ADGB: variants seen among roughly 807,000 people sequenced by gnomAD.
ADGB encodes androglobin.
A neutral mutation model predicts 210.5 loss-of-function variants in ADGB; 172 were observed. The ratio of observed to expected loss-of-function variants is 0.82; its 90% CI spans 0.72 to 0.93. The LOEUF (loss-of-function observed/expected upper bound fraction) is 0.93. ADGB is among the 40% of genes least tolerant of loss of function. The pLI is 0.00. For missense variants in ADGB, 2,025 were observed against 1,964.8 expected (o/e 1.03, Z -0.58); for synonymous variants, 658 against 662.7 (o/e 0.99, Z 0.11).
chr6:146,675,495 G>A lies in ADGB; in HGVS notation c.1088-818G>A, dbSNP rs116334479. ...GTCAAAAAGAAAAAAAAAAGCTAAG[G>A]TATGAAACATGTCTATTTTGGATGT... On this transcript the variant is annotated intron_variant, in intron 8 of 35. Transcript: ENST00000397944. Among the ~76,000 whole-genome samples the A allele has an allele frequency of 1.1e-3, 167 of 151,632 alleles. 1 individual carries two copies. The highest frequency in any genetic ancestry group is 3.9e-3 in the African/African-American group (163 of 41,374).
At position 146,728,752 on chromosome 6, in the gene ADGB, T is replaced by C; in HGVS notation, c.2520+11T>C. ...GCACAGCACTTCAGGGTAAGCTTGTTTGGGATACAATGTTCAGAAGAGGAA... is the reference window on the plus strand; with the variant it reads ...GCACAGCACTTCAGGGTAAGCTTGTCTGGGATACAATGTTCAGAAGAGGAA... On this transcript the variant is annotated intron_variant, in intron 20 of 35. Transcript: ENST00000397944. 1 of 1,526,410 alleles carries C rather than the reference T, an allele frequency of 6.6e-7. No individual in the cohort carries two copies. Among genetic ancestry groups the C allele is most frequent in the Non-Finnish European group, 8.8e-7 (1 of 1,130,062 alleles). 94.6% of individuals were successfully genotyped at this position (1,526,410 alleles called of 1,614,324 possible).
At chr6:146,690,612 G>A (rs1486210140) in intron 10 of ADGB, among the ~76,000 whole-genome samples, 1 of 152,156 alleles carries the variant, frequency 6.6e-6, no homozygotes, top group African/African-American at 2.4e-5. Context: ...TTGTAATCAT[G>A]TGTAATCATG....
chr6:146,637,614 C>T (rs1423543052), intron 2 of ADGB, among the ~76,000 whole-genome samples: 1 of 151,944 alleles, frequency 6.6e-6, no homozygotes, highest in Non-Finnish European at 1.5e-5. Flanking sequence ...TAAGGGCAAA[C>T]CAAAGTTACA....
intron 29 of ADGB, among the ~76,000 whole-genome samples, chr6:146,773,489 G>C (rs1777682538): frequency 6.6e-6 from 1 of 152,084 alleles, no homozygotes; most frequent in South Asian, 2.1e-4. Context: ...ACTCTGGAGA[G>C]ACCTAGAAGT....
At chr6:146,676,587 G>C in intron 9 of ADGB, 146 bp downstream of exon 9, 2 of 747,266 alleles carry the variant, frequency 2.7e-6, no homozygotes, top group Non-Finnish European at 3.8e-6. Flanking sequence ...TTCTCAGATG[G>C]GTGGGCGTGT....
At chr6:146,721,997 C>T (rs1310385614) in intron 17 of ADGB, among the ~76,000 whole-genome samples, 1 of 152,024 alleles carries the variant, frequency 6.6e-6, no homozygotes, top group Non-Finnish European at 1.5e-5. Context: ...ACTGCTGCCA[C>T]CTGCACCTCT....
intron 23 of ADGB, among the ~76,000 whole-genome samples, 162 bp from the exon 24 acceptor site, chr6:146,740,297 C>T (rs1179290786): frequency 6.6e-6 from 1 of 152,172 alleles, no homozygotes; most frequent in Admixed American, 6.5e-5. Flanking sequence ...CTCTTGGCAC[C>T]ATGTATCAGG....
At chr6:146,661,768 G>T (rs541186549) in intron 5 of ADGB, among the ~76,000 whole-genome samples, 2 of 150,366 alleles carry the variant, frequency 1.3e-5, no homozygotes, top group Non-Finnish European at 3.0e-5. Context: ...ATTTTCTTTC[G>T]CAATTCCTTT....
At chr6:146,809,634 CCA>C (rs1426574803) in intron 35 of ADGB, among the ~76,000 whole-genome samples, 81 of 152,268 alleles carry the variant, frequency 5.3e-4, no homozygotes, top group African/African-American at 1.8e-3. Context: ...GCATAAACCA[CCA>C]CATCCAGCTT....
chr6:146,639,134 T>G (rs1775470970), intron 2 of ADGB: 1 of 157,194 alleles, frequency 6.4e-6, no homozygotes, highest in Non-Finnish European at 1.4e-5. Flanking sequence ...TTTCCAGCAT[T>G]TTTTTAATCA....
intron 35 of ADGB, among the ~76,000 whole-genome samples, chr6:146,814,783 A>T (rs1778357996): frequency 6.6e-6 from 1 of 152,152 alleles, no homozygotes; most frequent in South Asian, 2.1e-4. Context: ...GGGGAAAAAA[A>T]AGTATGTTTT....
At position 146,728,555 on chromosome 6, in the gene ADGB, C is replaced by T. The variant is rs1440168015; in HGVS notation, c.2353-19C>T. ...ACTTAAGGATGAGTGAGGATGGCTG[C>T]CATGCTTTGTCTTCACAGGAGAGCT... is the stretch of plus-strand genomic sequence containing the variant. On this transcript the variant is annotated intron_variant, in intron 19 of 35. Coordinates refer to ENST00000397944, the MANE Select transcript of ADGB (RefSeq NM_024694.4). The T allele has an allele frequency of 6.5e-7, 1 of 1,547,502 alleles. No individual in the cohort carries two copies. Among genetic ancestry groups the T allele is most frequent in the Non-Finnish European group, 8.7e-7 (1 of 1,143,964 alleles).
rs994820920 is a variant in ADGB at position 146,696,768 on chromosome 6, G to T, written c.1577+3853G>T. 2.6e-5 allele frequency among the ~76,000 whole-genome samples: 4 copies of T among 152,168 alleles called. No individual in the cohort carries two copies. In the South Asian group the frequency reaches 8.3e-4, roughly 32 times the overall value. On this transcript the variant is annotated intron_variant, in intron 12 of 35. Coordinates refer to ENST00000397944, the MANE Select transcript of ADGB (RefSeq NM_024694.4). ...AGTGCAAGCTGGTGAGAGATTAAAG[G>T]TGGTGATAAGAAACTGGGATATTGC...
rs182423390 is a variant in ADGB at position 146,700,999 on chromosome 6, G to A, written c.1636G>A (p.Val546Ile). ...ACCTCCAGGATCTGATTTACCTTCC[G>A]TCAGTGAAACTGATGAAACTGCAAC... ...GIPPGSDLPS[V>I]SETDETATHS... Residue 546 changes from valine to isoleucine, a missense_variant, in exon 13 of 36, where the codon GTC becomes ATC. Transcript: ENST00000397944. 824 of 1,551,012 alleles carry A rather than the reference G, an allele frequency of 5.3e-4. 5 individuals carry two copies. In the East Asian group the frequency reaches 0.012, roughly 23 times the overall value.
chr6:146,731,081 G>A (rs12174648), intron 20 of ADGB, among the ~76,000 whole-genome samples: 20,936 of 152,086 alleles, frequency 0.14, 1,923 homozygotes, highest in East Asian at 0.4. Flanking sequence ...CTTATTTTTC[G>A]TAGGGAGTGA....
intron 17 of ADGB, among the ~76,000 whole-genome samples, chr6:146,723,691 C>G (rs564676862): frequency 6.6e-6 from 1 of 152,056 alleles, no homozygotes; most frequent in South Asian, 2.1e-4. Context: ...AAACCGAGAT[C>G]GCACCACTGC....
chr6:146,691,443 AAAAT>A (rs1301913541), intron 11 of ADGB, among the ~76,000 whole-genome samples, 153 bp downstream of exon 11: 1 of 21,282 alleles, frequency 4.7e-5, no homozygotes, highest in East Asian at 1.2e-3. Context: ...TATATATATA[AAAAT>A]ATATATATAT....
At chr6:146,720,839 T>C (rs1407250698) in intron 16 of ADGB, among the ~76,000 whole-genome samples, 1 of 152,114 alleles carries the variant, frequency 6.6e-6, no homozygotes, top group Admixed American at 6.5e-5. Flanking sequence ...TTCAATCACC[T>C]CCCACCAGGC....
At chr6:146,802,878 G>A in intron 35 of ADGB, 1 of 1,610,308 alleles carries the variant, frequency 6.2e-7, no homozygotes, top group Non-Finnish European at 8.5e-7. Context: ...TGGTTTTCCT[G>A]TTCCCATAAT....
Sources: gnomAD v4.1 joint callset for allele counts (sites outside exome capture counted in the v4.1 genomes callset) on GRCh38, gnomAD v4.1.1 for gene constraint, MANE v1.5 for transcripts, NCBI Gene and HGNC (gene_info 2026-07-23, HGNC 2026-07-21) for gene names.